Variants in ZFP37 observed in about 807,000 individuals in gnomAD.
ZFP37 encodes zinc finger protein 37 homolog.
In ZFP37, 38 loss-of-function variants were observed where a neutral mutation model predicts 52.1. That is an observed-to-expected ratio of 0.73 (90% CI 0.56 to 0.96). The LOEUF (loss-of-function observed/expected upper bound fraction) is 0.96. Ranked by LOEUF, ZFP37 falls within the 40% of genes least tolerant of loss-of-function variation. ZFP37 has a pLI of 0.00. For synonymous variants in ZFP37, 253 were observed against 259.5 expected (o/e 0.98, Z 0.24); for missense variants, 695 against 741.4 (o/e 0.94, Z 0.73).
intron 1 of ZFP37, among the ~76,000 whole-genome samples, chr9:113,050,370 A>G (rs1829034101): frequency 6.6e-6 from 1 of 151,682 alleles, no homozygotes; most frequent in Non-Finnish European, 1.5e-5. Flanking sequence ...TGGCTGAGAG[A>G]GTGAGACCCT....
intron 3 of ZFP37, among the ~76,000 whole-genome samples, chr9:113,044,729 C>T (rs1828921762): frequency 1.3e-5 from 2 of 152,032 alleles, no homozygotes; most frequent in South Asian, 4.2e-4. Context: ...TGACTCAAAC[C>T]AAGATGTCCA....
At chr9:113,050,575 G>A (rs1829040159) in intron 1 of ZFP37, among the ~76,000 whole-genome samples, 1 of 151,912 alleles carries the variant, frequency 6.6e-6, no homozygotes, top group African/African-American at 2.4e-5. Context: ...TTCTGAGGTA[G>A]AAGAATTGAG....
At chr9:113,048,073 A>G (rs1386625473) in intron 3 of ZFP37, among the ~76,000 whole-genome samples, 1 of 152,254 alleles carries the variant, frequency 6.6e-6, no homozygotes, top group Admixed American at 6.5e-5. Context: ...CACTTAGAAG[A>G]TAAGATCTGA....
At chr9:113,055,216 A>G (rs1829120366) in intron 1 of ZFP37, among the ~76,000 whole-genome samples, 1 of 152,136 alleles carries the variant, frequency 6.6e-6, no homozygotes, top group Non-Finnish European at 1.5e-5. Flanking sequence ...AGATCTCTGC[A>G]TGGCTGCCTC....
intron 3 of ZFP37, among the ~76,000 whole-genome samples, chr9:113,044,816 A>T (rs900400070): frequency 8.5e-5 from 13 of 152,176 alleles, no homozygotes; most frequent in Non-Finnish European, 1.6e-4. Flanking sequence ...TATATAAAGC[A>T]GGTACTAGTA....
In ZFP37 at chr9:113,043,856, A is replaced by G; in HGVS notation, c.762T>C (p.Cys254=). 1 of 1,613,934 alleles carries G rather than the reference A, an allele frequency of 6.2e-7. No homozygotes were observed. Among genetic ancestry groups the G allele is most frequent in the East Asian group, 2.2e-5 (1 of 44,878 alleles). ...KTGKKHDKLC[C]HSSSHIKQDK... is the part of the protein sequence containing the mutation. The stretch of plus-strand genomic sequence containing the variant: ...CCTGTTTAATATGGGATGAACTATG[A>G]CAGCATAATTTGTCATGTTTTTTGC... The change falls in exon 4 of 4, where the codon TGT becomes TGC. Residue 254 remains cysteine (C), a synonymous_variant. Coordinates refer to ENST00000374227, the MANE Select transcript of ZFP37 (RefSeq NM_003408.3).
At position 113,041,896 on chromosome 9, in the gene ZFP37, T is replaced by C. The variant is rs1828853145; in HGVS notation, c.*829A>G. On this transcript the variant is annotated 3_prime_UTR_variant, in exon 4 of 4. Transcript: ENST00000374227. ...AAAATCCAAATATACAAGGAAGTCT[T>C]GCTCCTATCCTAGACCCCAGTCCTA... is the stretch of plus-strand genomic sequence containing the variant. 1 of 152,218 alleles carries C rather than the reference T, an allele frequency of 6.6e-6. No individual in the cohort carries two copies. The allele number at this position is 152,218 out of a possible 1,614,324, so 9.4% of individuals were successfully genotyped here. A position where few individuals can be genotyped will look rare whatever the true frequency, so the allele number is the denominator to read the frequency against.
rs1828804880 is a variant in ZFP37 at position 113,038,959 on chromosome 9, T to G, written c.*3766A>C. 6.6e-6 allele frequency: 1 copy of G among 152,184 alleles called. No individual in the cohort carries two copies. 9.4% of individuals were successfully genotyped at this position (152,184 alleles called of 1,614,324 possible). On this transcript the variant is annotated 3_prime_UTR_variant, in exon 4 of 4. Coordinates refer to ENST00000374227, the MANE Select transcript of ZFP37 (RefSeq NM_003408.3). ...TACTCACTTGATGCCTGGAGATGCA[T>G]CACTCAAACACATTCCTGAGAGTAA...
chr9:113,050,766 A>T (rs1436210668), intron 1 of ZFP37, among the ~76,000 whole-genome samples: 1 of 152,066 alleles, frequency 6.6e-6, no homozygotes, highest in Admixed American at 6.6e-5. Context: ...GCATGGTGGC[A>T]GGCACCTGTA....
chr9:113,044,336 A>T, intron 3 of ZFP37, 68 bp from the exon 4 acceptor site: 2 of 1,414,272 alleles, frequency 1.4e-6, no homozygotes, highest in Non-Finnish European at 9.4e-7. Context: ...TAAAACTGGT[A>T]AAGAAATGAC....
At position 113,043,971 on chromosome 9, in the gene ZFP37, A is replaced by C. The variant is rs1828906338; in HGVS notation, c.647T>G (p.Leu216Ter). 1.2e-6 allele frequency: 2 copies of C among 1,614,052 alleles called. No individual in the cohort carries two copies. Among genetic ancestry groups the C allele is most frequent in the South Asian group, 2.2e-5 (2 of 91,070 alleles). Residue 216 changes from leucine to a stop codon, truncating the protein, a stop_gained, in exon 4 of 4, where the codon TTA (leucine) becomes TGA (stop). Coordinates refer to ENST00000374227, the MANE Select transcript of ZFP37 (RefSeq NM_003408.3). LOFTEE classifies it high-confidence loss of function. ...CTTTTTGCCTTTCCTTGTATCAGAT[A>C]AGCTATGGTTGAATGACTTCTTGTG... is the stretch of plus-strand genomic sequence containing the variant. ...KEHKKSFNHS[L>*]SDTRKGKKQT... is the part of the protein sequence containing the mutation.
chr9:113,042,670 A>G lies in ZFP37; in HGVS notation c.*55T>C, dbSNP rs1040726516. 6.9e-7 allele frequency: 1 copy of G among 1,439,452 alleles called. No individual in the cohort carries two copies. Among genetic ancestry groups the G allele is most frequent in the Non-Finnish European group, 9.3e-7 (1 of 1,075,746 alleles). 89.2% of individuals were successfully genotyped at this position (1,439,452 alleles called of 1,614,324 possible). On this transcript the variant is annotated 3_prime_UTR_variant, in exon 4 of 4. Transcript: ENST00000374227. ...TTCTAACACTCTTTAAAATCAGCAT[A>G]TTTCCAAGGTTCAACAAAACCTTAA...
Position 113,052,234 on chromosome 9 carries a change from T to C in ZFP37, c.133-2362A>G, listed in dbSNP as rs149573327. Among the ~76,000 whole-genome samples the C allele has an allele frequency of 5.5e-4, 83 of 152,270 alleles. No individual in the cohort carries two copies. Among genetic ancestry groups the C allele is most frequent in the Non-Finnish European group, 1.0e-3 (68 of 67,998 alleles). Reference sequence around the variant, plus strand: ...GTCTCCTGAGGATCCTGCTTCCTTATAGGAGCCTCAGAGGAGTGGAGGCTG... The same window carrying C: ...GTCTCCTGAGGATCCTGCTTCCTTACAGGAGCCTCAGAGGAGTGGAGGCTG... On this transcript the variant is annotated intron_variant, in intron 1 of 3. Coordinates refer to ENST00000374227, the MANE Select transcript of ZFP37 (RefSeq NM_003408.3). This position sits in a 1 kb window ranked among gnomAD's most constrained non-coding sequence, Gnocchi z 4.1.
chr9:113,044,312 C>G, intron 3 of ZFP37, 44 bp from the exon 4 acceptor site: 1 of 1,491,022 alleles, frequency 6.7e-7, no homozygotes, highest in Non-Finnish European at 8.9e-7. Flanking sequence ...TCTTTGTACT[C>G]TTATATTTTG....
chr9:113,055,625 C>A (rs1829127122), intron 1 of ZFP37, among the ~76,000 whole-genome samples: 1 of 152,086 alleles, frequency 6.6e-6, no homozygotes, highest in Non-Finnish European at 1.5e-5. Flanking sequence ...TCACTGACAC[C>A]CAAATACTCC....
At chr9:113,047,087 C>T (rs1388396814) in intron 3 of ZFP37, among the ~76,000 whole-genome samples, 2 of 148,232 alleles carry the variant, frequency 1.3e-5, no homozygotes, top group African/African-American at 5.0e-5. Flanking sequence ...CCATCCTGGG[C>T]TACAGAGCCA....
At chr9:113,046,151 TAGAC>T (rs1828946814) in intron 3 of ZFP37, among the ~76,000 whole-genome samples, 1 of 150,166 alleles carries the variant, frequency 6.7e-6, no homozygotes, top group Non-Finnish European at 1.5e-5. Flanking sequence ...TCTATATATA[TAGAC>T]AGATATATAT....
intron 1 of ZFP37, among the ~76,000 whole-genome samples, chr9:113,054,568 G>A (rs753994378): frequency 5.9e-5 from 9 of 151,988 alleles, no homozygotes; most frequent in Non-Finnish European, 1.0e-4. Flanking sequence ...ATTTTGACAC[G>A]GCCAAAATAG....
Position 113,048,868 on chromosome 9 carries a change from A to C in ZFP37, c.349+494T>G, listed in dbSNP as rs572825449. Reference sequence around the variant, plus strand: ...GGATATCTACAACTTCCAAGCAGTGACTTTAAGAGTTACCATGTGGTTCCA... The same window carrying C: ...GGATATCTACAACTTCCAAGCAGTGCCTTTAAGAGTTACCATGTGGTTCCA... On this transcript the variant is annotated intron_variant, in intron 3 of 3. Coordinates refer to ENST00000374227, the MANE Select transcript of ZFP37 (RefSeq NM_003408.3). Among the ~76,000 whole-genome samples the C allele has an allele frequency of 3.3e-5, 5 of 152,050 alleles. No homozygotes were observed. The South Asian group carries it at 1.0e-3, about 32-fold the overall frequency.
Sources: allele counts gnomAD v4.1 joint callset (sites outside exome capture counted in the v4.1 genomes callset), GRCh38; gene constraint gnomAD v4.1.1; non-coding constraint Gnocchi (gnomAD v3.1); transcripts MANE v1.5; gene names NCBI Gene and HGNC (gene_info 2026-07-23, HGNC 2026-07-21).